MTHFS: variants seen among roughly 807,000 people sequenced by gnomAD.
MTHFS encodes the protein 5-formyltetrahydrofolate cyclo-ligase.
MTHFS carries 7 observed loss-of-function variants against 12.7 expected under a neutral mutation model. The observed-to-expected ratio is 0.55, with a 90% CI of 0.31 to 1.03. MTHFS has a LOEUF of 1.03. MTHFS is among the 50% of genes least tolerant of loss of function. The probability of loss-of-function intolerance (pLI) is 0.05; values close to 1 mark genes in which losing one functional copy is unlikely to be tolerated. For synonymous variants in MTHFS, 100 were observed against 97.1 expected, an observed-to-expected ratio of 1.03 and a Z score of -0.18; for missense variants, 252 against 258.1, an observed-to-expected ratio of 0.98 and a Z score of 0.16.
At chr15:79,892,960 A>T (rs570784795) in intron 1 of MTHFS, among the ~76,000 whole-genome samples, 20 of 151,938 alleles carry the variant, frequency 1.3e-4, no homozygotes, top group South Asian at 1.2e-3. Flanking sequence ...AAAAAAAATT[A>T]AAAAAATAAA....
intron 2 of MTHFS, among the ~76,000 whole-genome samples, chr15:79,869,671 T>C (rs987677791): frequency 6.6e-6 from 1 of 152,184 alleles, no homozygotes; most frequent in Non-Finnish European, 1.5e-5. Context: ...TGGGCTCAAA[T>C]GATCCTCCCA....
chr15:79,875,274 CAAA>C (rs113946253), intron 2 of MTHFS, among the ~76,000 whole-genome samples: 1 of 114,930 alleles, frequency 8.7e-6, no homozygotes, highest in Non-Finnish European at 1.9e-5. Context: ...ACAAAAGCGA[CAAA>C]AAAAAAAAAA....
intron 2 of MTHFS, among the ~76,000 whole-genome samples, chr15:79,874,657 CA>C (rs35164884): frequency 0.11 from 16,332 of 151,956 alleles, 1,109 homozygotes; most frequent in South Asian, 0.2. Context: ...AGAGGCTGAC[CA>C]AAAAACTTAA....
intron 2 of MTHFS, among the ~76,000 whole-genome samples, chr15:79,862,936 A>G (rs1462981956): frequency 2.0e-5 from 3 of 152,108 alleles, no homozygotes; most frequent in African/African-American, 7.2e-5. Flanking sequence ...CTGAATCAAT[A>G]TCTCCTATGT....
chr15:79,864,547 C>CAAAAAAAAAAAAAA lies in MTHFS; in HGVS notation c.380-19119_380-19106dup, dbSNP rs58698908. 1.9e-4 allele frequency among the ~76,000 whole-genome samples: 12 copies of CAAAAAAAAAAAAAA among 64,538 alleles called. 1 individual carries two copies. Among genetic ancestry groups the CAAAAAAAAAAAAAA allele is most frequent in the African/African-American group, 6.7e-4 (9 of 13,372 alleles). 42.3% of individuals were successfully genotyped at this position (64,538 alleles called of 152,430 possible). A position where few individuals can be genotyped will look rare whatever the true frequency, so the allele number is the denominator to read the frequency against. Reference sequence around the variant, plus strand: ...GCAACAAAGTGAGACTCCATCTCAACAAAAAAAAAAAAAAAAAAAAAAAAA... The same window carrying CAAAAAAAAAAAAAA: ...GCAACAAAGTGAGACTCCATCTCAACAAAAAAAAAAAAAAAAAAAAAAAAAAAAAAAAAAAAAAA... On this transcript the variant is annotated intron_variant, in intron 2 of 2. Transcript: ENST00000258874.
At chr15:79,878,606 C>A (rs1566995377) in intron 2 of MTHFS, among the ~76,000 whole-genome samples, 1 of 150,502 alleles carries the variant, frequency 6.6e-6, no homozygotes, top group Non-Finnish European at 1.5e-5. Flanking sequence ...TTATGACCAT[C>A]ACTCCACTGC....
Position 79,897,013 on chromosome 15 carries a change from C to CCGCCCTCGGCGCCCTGGG in MTHFS, c.-26_-25insCCCAGGGCGCCGAGGGCG. 2.0e-6 allele frequency: 3 copies of CCGCCCTCGGCGCCCTGGG among 1,502,572 alleles called. No homozygotes were observed. The South Asian group carries it at 3.7e-5, about 19-fold the overall frequency. The allele number at this position is 1,502,572 out of a possible 1,614,324, so 93.1% of individuals were successfully genotyped here. On this transcript the variant is annotated 5_prime_UTR_variant, in exon 1 of 3. Transcript: ENST00000258874. ...TCTCACGCCCAAGCCGAGTCCAGTC[C>CCGCCCTCGGCGCCCTGGG]CGCCCTCGGCGCCCTGGGCGCCCTC...
chr15:79,862,203 T>A (rs1237072547), intron 2 of MTHFS, among the ~76,000 whole-genome samples: 1 of 152,118 alleles, frequency 6.6e-6, no homozygotes, highest in Non-Finnish European at 1.5e-5. Context: ...ACTATGTCCT[T>A]ATCTCAAATA....
rs1467961383 is a variant in MTHFS at position 79,889,076 on chromosome 15, A to C, written c.379+17T>G. 6.2e-7 allele frequency: 1 copy of C among 1,613,144 alleles called. No homozygotes were observed. Among genetic ancestry groups the C allele is most frequent in the Non-Finnish European group, 8.5e-7 (1 of 1,179,368 alleles). On this transcript the variant is annotated intron_variant, in intron 2 of 2. Transcript: ENST00000258874. Reference sequence around the variant, plus strand: ...ACTGGTCATAATCTAACAACATCCTAACACCATAATACTCACCTGTGGACA... The same window carrying C: ...ACTGGTCATAATCTAACAACATCCTCACACCATAATACTCACCTGTGGACA...
At chr15:79,864,389 A>G (rs927943470) in intron 2 of MTHFS, among the ~76,000 whole-genome samples, 1 of 151,982 alleles carries the variant, frequency 6.6e-6, no homozygotes, top group Non-Finnish European at 1.5e-5. Flanking sequence ...TACTAAAAAT[A>G]CAAAAATTAG....
intron 2 of MTHFS, chr15:79,875,915 A>T (rs1199641868): frequency 6.6e-6 from 1 of 152,160 alleles, no homozygotes; most frequent in Non-Finnish European, 1.5e-5. Context: ...TATTTGAAGA[A>T]ACAATCATTG....
intron 2 of MTHFS, among the ~76,000 whole-genome samples, chr15:79,853,395 A>G (rs909063567): frequency 6.6e-5 from 10 of 152,202 alleles, no homozygotes; most frequent in Admixed American, 4.6e-4. Flanking sequence ...TCCCATAACA[A>G]CCATTACTAG....
chr15:79,849,077 T>C (rs1053442386), intron 2 of MTHFS, among the ~76,000 whole-genome samples: 3 of 152,150 alleles, frequency 2.0e-5, no homozygotes, highest in African/African-American at 7.2e-5. Context: ...ACGAGAATGG[T>C]TTTGGATTCC....
intron 2 of MTHFS, chr15:79,877,874 A>C (rs935146526): frequency 4.6e-5 from 7 of 152,138 alleles, no homozygotes; most frequent in African/African-American, 1.4e-4. Flanking sequence ...AAAGGAAAAA[A>C]AATACATATG....
At chr15:79,851,592 T>G (rs1183674212) in intron 2 of MTHFS, among the ~76,000 whole-genome samples, 1 of 152,040 alleles carries the variant, frequency 6.6e-6, no homozygotes, top group Non-Finnish European at 1.5e-5. Context: ...AAGAGAAGGA[T>G]GAATAAAACC....
intron 2 of MTHFS, among the ~76,000 whole-genome samples, chr15:79,874,549 A>G (rs1454516330): frequency 1.3e-5 from 2 of 152,162 alleles, no homozygotes; most frequent in Non-Finnish European, 2.9e-5. Context: ...AGCTCTCTCC[A>G]TGCAAAAAGC....
chr15:79,870,825 T>C (rs1305035055), intron 2 of MTHFS, among the ~76,000 whole-genome samples: 1 of 152,146 alleles, frequency 6.6e-6, no homozygotes, highest in African/African-American at 2.4e-5. Context: ...TAAACACCAG[T>C]TTATGTTGAC....
At chr15:79,865,444 T>A (rs2033992516) in intron 2 of MTHFS, among the ~76,000 whole-genome samples, 1 of 152,186 alleles carries the variant, frequency 6.6e-6, no homozygotes, top group Non-Finnish European at 1.5e-5. Flanking sequence ...ATGAAATACA[T>A]GTTAAAGAAA....
intron 2 of MTHFS, among the ~76,000 whole-genome samples, chr15:79,858,567 A>G (rs1244148929): frequency 6.6e-6 from 1 of 152,176 alleles, no homozygotes; most frequent in Non-Finnish European, 1.5e-5. Flanking sequence ...AATCCCTTCC[A>G]ATTCAGATAA....
Sources: allele counts gnomAD v4.1 joint callset (sites outside exome capture counted in the v4.1 genomes callset), GRCh38; gene constraint gnomAD v4.1.1; transcripts MANE v1.5; gene names NCBI Gene and HGNC (gene_info 2026-07-23, HGNC 2026-07-21).